SLC25A23: variants seen among roughly 807,000 people sequenced by gnomAD.
SLC25A23 encodes mitochondrial adenyl nucleotide antiporter SLC25A23.
In SLC25A23, 32 loss-of-function variants were observed where a neutral mutation model predicts 53.9. The ratio of observed to expected loss-of-function variants is 0.59; its 90% CI spans 0.45 to 0.80. The LOEUF (loss-of-function observed/expected upper bound fraction) is 0.80. SLC25A23 is among the 30% of genes least tolerant of loss of function. The pLI is 0.00. For synonymous variants in SLC25A23, 275 were observed against 264.5 expected (o/e 1.04, Z -0.38); for missense variants, 575 against 651.4 (o/e 0.88, Z 1.28).
At chr19:6,456,566 T>G in intron 3 of SLC25A23, 35 bp from the exon 4 acceptor site, 1 of 1,408,336 alleles carries the variant, frequency 7.1e-7, no homozygotes, top group Non-Finnish European at 1.0e-6. Context: ...GAGGACAGGT[T>G]CAGTGCCTGG....
At chr19:6,439,399 T>TCTCTCA (rs1196510603), downstream of SLC25A23, among the ~76,000 whole-genome samples, 49 of 124,112 alleles carry the variant, frequency 3.9e-4, no homozygotes, top group South Asian at 5.4e-3. Context: ...TCTCTCTCTC[T>TCTCTCA]CACACACACA....
At chr19:6,452,186 C>T in intron 8 of SLC25A23, 126 bp downstream of exon 8, 1 of 1,342,230 alleles carries the variant, frequency 7.5e-7, no homozygotes, top group East Asian at 2.6e-5. Context: ...AGGTGCTCCT[C>T]ACCTCATAAC....
In SLC25A23 at chr19:6,440,707, C is replaced by T. The variant is rs1427659102; in HGVS notation, c.*1268G>A. 2 of 152,110 alleles carry T rather than the reference C, an allele frequency of 1.3e-5. No individual in the cohort carries two copies. Among genetic ancestry groups the T allele is most frequent in the East Asian group, 3.8e-4 (2 of 5,198 alleles). 9.4% of individuals were successfully genotyped at this position (152,110 alleles called of 1,614,324 possible). On this transcript the variant is annotated 3_prime_UTR_variant, in exon 10 of 10. Coordinates refer to ENST00000301454, the MANE Select transcript of SLC25A23 (RefSeq NM_024103.3). Reference sequence around the variant, plus strand: ...ATGCAGAGGTGGGGTGAGGGGGAATCCAGCATCCGTGCAGGTTGCAGCCAG... The same window carrying T: ...ATGCAGAGGTGGGGTGAGGGGGAATTCAGCATCCGTGCAGGTTGCAGCCAG...
intron 9 of SLC25A23, among the ~76,000 whole-genome samples, chr19:6,443,913 C>T (rs902016934): frequency 2.0e-5 from 3 of 152,200 alleles, no homozygotes; most frequent in African/African-American, 4.8e-5. Context: ...TTGCCAGCAA[C>T]GACATCCCAG....
At chr19:6,456,836 T>C (rs923794755) in intron 3 of SLC25A23, among the ~76,000 whole-genome samples, 1 of 151,730 alleles carries the variant, frequency 6.6e-6, no homozygotes, top group African/African-American at 2.4e-5. Context: ...CACACCACCA[T>C]GCCCAGCAAA....
At chr19:6,442,658 C>T (rs894348979) in intron 9 of SLC25A23, among the ~76,000 whole-genome samples, 1 of 152,158 alleles carries the variant, frequency 6.6e-6, no homozygotes, top group Non-Finnish European at 1.5e-5. Flanking sequence ...AAGCAATTCT[C>T]CTGCCTCAGC....
Position 6,441,938 on chromosome 19 carries a change from G to C in SLC25A23, c.*37C>G, listed in dbSNP as rs1484278157. 3 of 1,570,338 alleles carry C rather than the reference G, an allele frequency of 1.9e-6. No individual in the cohort carries two copies. The highest frequency in any genetic ancestry group is 2.2e-5 in the South Asian group (2 of 89,410). The stretch of plus-strand genomic sequence containing the variant: ...CATCAGTCTCCAGTGGCTGAGGTGT[G>C]GGGGGTGAGGGATTGGGGGGACGGG... On this transcript the variant is annotated 3_prime_UTR_variant, in exon 10 of 10. Coordinates refer to ENST00000301454, the MANE Select transcript of SLC25A23 (RefSeq NM_024103.3).
rs762510400 is a variant in SLC25A23, at chr19:6,459,590, G to A, written c.39C>T (p.Arg13=). ...GSPGDAERRQ[R]WGRLFEELDS... ...CCAGCTCCTCGAACAGGCGACCCCA[G>A]CGCTGCCGCCGCTCCGCGTCGCCCG... Residue 13 remains arginine, a synonymous_variant, in exon 1 of 10, where the codon CGC becomes CGT. Coordinates refer to ENST00000301454, the MANE Select transcript of SLC25A23 (RefSeq NM_024103.3). This position sits in a 1 kb window ranked among gnomAD's most constrained non-coding sequence, Gnocchi z 4.6. 8 of 1,542,266 alleles carry A rather than the reference G, an allele frequency of 5.2e-6. No individual in the cohort carries two copies. Among genetic ancestry groups the A allele is most frequent in the Non-Finnish European group, 6.1e-6 (7 of 1,151,372 alleles).
Position 6,456,423 on chromosome 19 carries a change from G to T in SLC25A23, c.480C>A (p.Ser160=). 6.2e-7 allele frequency: 1 copy of T among 1,613,940 alleles called. No individual in the cohort carries two copies. Among genetic ancestry groups the T allele is most frequent in the South Asian group, 1.1e-5 (1 of 91,086 alleles). ...GGGAAAGCCACCCCCACCTCACCGT[G>T]GAATGCTTCCAGAAATACAGCACGT... ...VEDVLYFWKH[S]TVLDIGECLT... is the part of the protein sequence containing the mutation. Residue 160 remains serine, a synonymous_variant, in exon 4 of 10, where the codon TCC becomes TCA. Coordinates refer to ENST00000301454, the MANE Select transcript of SLC25A23 (RefSeq NM_024103.3).
rs1244345143 is a variant in SLC25A23 at position 6,452,385 on chromosome 19, G to A, written c.998C>T (p.Ala333Val). 6.2e-7 allele frequency: 1 copy of A among 1,613,584 alleles called. No homozygotes were observed. The highest frequency in any genetic ancestry group is 8.5e-7 in the Non-Finnish European group (1 of 1,179,886). Reference sequence around the variant, plus strand: ...GTTGGGGAGGTAGCCGCGGTAGAAGGCACGGGGCCCCTCCCTCTCCAGGAT... The same window carrying A: ...GTTGGGGAGGTAGCCGCGGTAGAAGACACGGGGCCCCTCCCTCTCCAGGAT... ...RRILEREGPR[A>V]FYRGYLPNVL... The change falls in exon 8 of 10, where the codon GCC becomes GTC. Residue 333 changes from alanine to valine, a missense_variant. By Grantham distance (64) the Ala-to-Val change is moderately conservative. Transcript: ENST00000301454.
chr19:6,458,920 G>A (rs1343635500), intron 1 of SLC25A23, among the ~76,000 whole-genome samples: 1 of 152,212 alleles, frequency 6.6e-6, no homozygotes, highest in African/African-American at 2.4e-5. Context: ...GTGGAGGTGG[G>A]GGCAGCGGGA....
At chr19:6,455,866 C>T (rs575476151) in intron 4 of SLC25A23, 6 of 437,310 alleles carry the variant, frequency 1.4e-5, no homozygotes, top group South Asian at 1.2e-4. Context: ...CTACAGGTGC[C>T]TGCCACTACA....
intron 4 of SLC25A23, among the ~76,000 whole-genome samples, chr19:6,455,499 C>T (rs1462834982): frequency 6.6e-6 from 1 of 152,088 alleles, no homozygotes; most frequent in East Asian, 1.9e-4. Flanking sequence ...TCTAGAATTT[C>T]TAACCAAGGT....
At chr19:6,453,805 C>T (rs1426492971) in intron 7 of SLC25A23, among the ~76,000 whole-genome samples, 176 bp downstream of exon 7, 1 of 152,182 alleles carries the variant, frequency 6.6e-6, no homozygotes, top group African/African-American at 2.4e-5. Flanking sequence ...AATTATATCT[C>T]AGTTGTAATA....
At position 6,444,259 on chromosome 19, in the gene SLC25A23, C is replaced by G. The variant is rs1486244279; in HGVS notation, c.1114G>C (p.Ala372Pro). The part of the protein sequence containing the change: ...WWLQQYSHDS[A>P]DPGILVLLAC... ...AGGAGCACGAGGATGCCTGGGTCTG[C>G]CGAGTCGTGGCTGTACTGCTGAAGC... The change falls in exon 9 of 10, where the codon GCA becomes CCA. Residue 372 changes from alanine to proline, a missense_variant. Ala to Pro is a conservative substitution (Grantham distance 27, BLOSUM62 -1). Transcript: ENST00000301454. The G allele has an allele frequency of 6.2e-7, 1 of 1,607,438 alleles. No homozygotes were observed. The highest frequency in any genetic ancestry group is 1.1e-5 in the South Asian group (1 of 89,160).
Position 6,456,548 on chromosome 19 carries a change from G to A in SLC25A23, c.372-17C>T, listed in dbSNP as rs777332654. 1.2e-6 allele frequency: 2 copies of A among 1,606,882 alleles called. No individual in the cohort carries two copies. The highest frequency in any genetic ancestry group is 1.7e-6 in the Non-Finnish European group (2 of 1,174,166). On this transcript the variant is annotated splice_polypyrimidine_tract_variant and intron_variant, in intron 3 of 9. Transcript: ENST00000301454. ...CGGTCCATGCTGGGGGGAAGAAAGG[G>A]GGTGGAGGAGGACAGGTTCAGTGCC...
chr19:6,458,114 G>A (rs1349474294), intron 2 of SLC25A23, 84 bp downstream of exon 2: 9 of 1,518,696 alleles, frequency 5.9e-6, no homozygotes, highest in East Asian at 4.6e-5. Flanking sequence ...TCCTCCTAGC[G>A]CTGCCAGTTC....
In SLC25A23 at chr19:6,441,831, A is replaced by G. The variant is rs140865515; in HGVS notation, c.*144T>C. On this transcript the variant is annotated 3_prime_UTR_variant, in exon 10 of 10. Transcript: ENST00000301454. ...CTGGATGCTGGGATCCCATGACCCA[A>G]TGGTTGGGGCATAGGAGTCTAGGAT... The G allele has an allele frequency of 1.4e-4, 95 of 674,754 alleles. No homozygotes were observed. Among genetic ancestry groups the G allele is most frequent in the South Asian group, 4.4e-4 (22 of 50,044 alleles). The allele number at this position is 674,754 out of a possible 1,614,324, so 41.8% of individuals were successfully genotyped here.
chr19:6,436,293 T>C (rs2860182), downstream of SLC25A23: 200,356 of 388,318 alleles, frequency 0.52, 54,053 homozygotes, highest in East Asian at 0.7. Context: ...TCCAGTTGTT[T>C]CGGTGGAGGG....
Sources: allele counts gnomAD v4.1 joint callset (sites outside exome capture counted in the v4.1 genomes callset), GRCh38; gene constraint gnomAD v4.1.1; non-coding constraint Gnocchi (gnomAD v3.1); transcripts MANE v1.5; gene names NCBI Gene and HGNC (gene_info 2026-07-23, HGNC 2026-07-21).